Variants in BAIAP2 observed in about 807,000 individuals in gnomAD.
The protein encoded by BAIAP2 is BAR/IMD domain-containing adapter protein 2.
BAIAP2 carries 18 observed loss-of-function variants against 63.0 expected under a neutral mutation model. The ratio of observed to expected loss-of-function variants is 0.29; its 90% confidence interval spans 0.20 to 0.42. BAIAP2 has a LOEUF of 0.42. Among genes scored for constraint, BAIAP2 ranks in the 10% least tolerant of loss-of-function variants. The pLI is 1.00. For synonymous variants in BAIAP2, 386 were observed against 307.6 expected, an observed-to-expected ratio of 1.25 and a Z score of -2.67; for missense variants, 610 against 734.3, an observed-to-expected ratio of 0.83 and a Z score of 1.96.
intron 3 of BAIAP2, among the ~76,000 whole-genome samples, chr17:81,077,286 G>A (rs2053820606): frequency 6.6e-6 from 1 of 152,120 alleles, no homozygotes; most frequent in Non-Finnish European, 1.5e-5. Context: ...CAATTTCTTA[G>A]CCGGGCATGG....
intron 3 of BAIAP2, among the ~76,000 whole-genome samples, chr17:81,063,396 T>G (rs2144556454): frequency 6.6e-6 from 1 of 152,368 alleles, no homozygotes; most frequent in East Asian, 1.9e-4. Context: ...GAATATTCCA[T>G]AAACGTGTAA....
At chr17:81,091,881 G>A (rs927954874) in intron 6 of BAIAP2, among the ~76,000 whole-genome samples, 2 of 152,232 alleles carry the variant, frequency 1.3e-5, no homozygotes, top group Non-Finnish European at 2.9e-5. Flanking sequence ...TCCCTCACCT[G>A]GCAGCCTAGA....
intron 3 of BAIAP2, among the ~76,000 whole-genome samples, chr17:81,059,087 G>A (rs2050111795): frequency 6.6e-6 from 1 of 152,174 alleles, no homozygotes; most frequent in Non-Finnish European, 1.5e-5. Context: ...AGACCTGCCG[G>A]CCGCACTTCG....
chr17:81,099,328 G>A (rs1433028843), intron 6 of BAIAP2, among the ~76,000 whole-genome samples: 1 of 152,204 alleles, frequency 6.6e-6, no homozygotes, highest in African/African-American at 2.4e-5. Flanking sequence ...AGCCGGGTGG[G>A]AGAGGAGATG....
chr17:81,041,660 C>T (rs990805776), intron 1 of BAIAP2, among the ~76,000 whole-genome samples: 15 of 152,060 alleles, frequency 9.9e-5, no homozygotes, highest in African/African-American at 3.1e-4. Flanking sequence ...CTGCAACCTC[C>T]GCCTCCCGGG....
chr17:81,095,764 C>G (rs2057512170), intron 6 of BAIAP2, among the ~76,000 whole-genome samples: 1 of 152,186 alleles, frequency 6.6e-6, no homozygotes, highest in South Asian at 2.1e-4. Flanking sequence ...TCTCCCCCGA[C>G]TTCCCCTGGG....
chr17:81,085,456 T>A (rs7209834), intron 4 of BAIAP2, 198 bp from the exon 5 acceptor site: 1 of 695,442 alleles, frequency 1.4e-6, no homozygotes, highest in African/African-American at 1.7e-5. Flanking sequence ...TCCAGACTCC[T>A]GTTCAGCACT....
At chr17:81,088,803 G>A (rs780417915) in intron 6 of BAIAP2, among the ~76,000 whole-genome samples, 54 of 152,258 alleles carry the variant, frequency 3.5e-4, no homozygotes, top group Non-Finnish European at 7.6e-4. Flanking sequence ...TGGCACGGCC[G>A]GTACTGCCCT....
intron 1 of BAIAP2, among the ~76,000 whole-genome samples, chr17:81,040,618 C>A (rs1341216765): frequency 6.6e-6 from 1 of 152,282 alleles, no homozygotes; most frequent in Admixed American, 6.5e-5. Context: ...GGAATGAACA[C>A]ATCTTGTTTC....
rs774742909 is a variant in BAIAP2 at position 81,046,205 on chromosome 17, C to T, written c.55-7463C>T. Among the ~76,000 whole-genome samples the T allele has an allele frequency of 3.3e-5, 5 of 152,126 alleles. No homozygotes were observed. Among genetic ancestry groups the T allele is most frequent in the Non-Finnish European group, 7.4e-5 (5 of 67,984 alleles). ...TCCCGTTCTGCAGGCTCCAGCCCAC[C>T]TTCAGGCCCCCGTCCTAACCCTGCG... On this transcript the variant is annotated intron_variant, in intron 1 of 13. Coordinates refer to ENST00000428708, the MANE Select transcript of BAIAP2 (RefSeq NM_001144888.2). The surrounding 1 kb of genome is among the most constrained non-coding windows in gnomAD (Gnocchi z 4.5).
At chr17:81,085,485 G>A in intron 4 of BAIAP2, 169 bp from the exon 5 acceptor site, 1 of 704,714 alleles carries the variant, frequency 1.4e-6, no homozygotes, top group South Asian at 1.5e-5. Context: ...GCTCCAGAGG[G>A]TGCACACGGG....
At chr17:81,091,578 C>T (rs1170259771) in intron 6 of BAIAP2, among the ~76,000 whole-genome samples, 2 of 152,200 alleles carry the variant, frequency 1.3e-5, no homozygotes, top group African/African-American at 4.8e-5. Flanking sequence ...AGCAGTTGTC[C>T]CCAATCCTGA....
At chr17:81,048,561 C>T (rs954610012) in intron 1 of BAIAP2, among the ~76,000 whole-genome samples, 1 of 152,106 alleles carries the variant, frequency 6.6e-6, no homozygotes, top group Admixed American at 6.5e-5. Flanking sequence ...CTGGCCAGGC[C>T]GGCCCGTAGC....
chr17:81,108,538 G>A, intron 13 of BAIAP2, 29 bp downstream of exon 13: 1 of 1,613,776 alleles, frequency 6.2e-7, no homozygotes, highest in African/African-American at 1.3e-5. Flanking sequence ...CTGTCTTTGG[G>A]ACCGTGGGTG....
intron 1 of BAIAP2, among the ~76,000 whole-genome samples, chr17:81,044,580 G>T (rs1568063936): frequency 6.6e-6 from 1 of 152,208 alleles, no homozygotes; most frequent in Admixed American, 6.5e-5. Context: ...ACTTCAACAC[G>T]TGCATCTTGG....
chr17:81,066,134 G>A (rs970688687), intron 3 of BAIAP2, among the ~76,000 whole-genome samples: 11 of 152,258 alleles, frequency 7.2e-5, no homozygotes, highest in African/African-American at 2.2e-4. Flanking sequence ...CATCTCTGGA[G>A]GCCTCTGGTG....
chr17:81,039,936 A>G (rs762290877), intron 1 of BAIAP2, among the ~76,000 whole-genome samples: 1 of 152,166 alleles, frequency 6.6e-6, no homozygotes, highest in Non-Finnish European at 1.5e-5. Context: ...CCCAGTTCAC[A>G]GGTCTGGGCC....
chr17:81,059,550 TC>T (rs2050194771), intron 3 of BAIAP2, among the ~76,000 whole-genome samples: 1 of 152,194 alleles, frequency 6.6e-6, no homozygotes, highest in Admixed American at 6.5e-5. Context: ...GCTCAAGTGA[TC>T]CTCCTGCCTC....
chr17:81,037,272 C>T (rs928553513), intron 1 of BAIAP2, among the ~76,000 whole-genome samples: 3 of 152,208 alleles, frequency 2.0e-5, no homozygotes, highest in Non-Finnish European at 4.4e-5. Flanking sequence ...CACGGCAGGA[C>T]GCGGTGGGCC....
Sources: allele counts gnomAD v4.1 joint callset (sites outside exome capture counted in the v4.1 genomes callset), GRCh38; gene constraint gnomAD v4.1.1; non-coding constraint Gnocchi (gnomAD v3.1); transcripts MANE v1.5; gene names NCBI Gene and HGNC (gene_info 2026-07-23, HGNC 2026-07-21).